The following SATB2 variants were observed in gnomAD, a reference collection of about 807,000 sequenced individuals.
The protein encoded by SATB2 is SATB homeobox 2.
A neutral mutation model predicts 73.4 loss-of-function variants in SATB2; 1 was observed. The observed-to-expected ratio is 0.01, with a 90% CI of 0.00 to 0.06. SATB2 has a LOEUF of 0.06. Among genes scored for constraint, SATB2 ranks in the 10% least tolerant of loss-of-function variants. The probability of loss-of-function intolerance (pLI) is 1.00; values close to 1 mark genes in which losing one functional copy is unlikely to be tolerated. For missense variants in SATB2, 459 were observed against 945.8 expected (o/e 0.49, Z 6.75); for synonymous variants, 397 against 367.0 (o/e 1.08, Z -0.93).
intron 3 of SATB2, among the ~76,000 whole-genome samples, chr2:199,402,113 A>T (rs1164358746): frequency 1.3e-5 from 2 of 152,086 alleles, no homozygotes; most frequent in African/African-American, 4.8e-5. Flanking sequence ...TTGGCTGGGC[A>T]CGGTGGCTCA....
intron 10 of SATB2, among the ~76,000 whole-genome samples, chr2:199,283,467 G>A (rs1423890671): frequency 4.0e-5 from 6 of 151,280 alleles, no homozygotes; most frequent in Non-Finnish European, 7.4e-5. Flanking sequence ...GGACCATTTG[G>A]TGCTGCTGCC....
chr2:199,386,716 GCACACACACACACACACACA>G (rs61568459), intron 3 of SATB2, among the ~76,000 whole-genome samples: 34 of 9,272 alleles, frequency 3.7e-3, no homozygotes, highest in African/African-American at 5.1e-3. Context: ...GCGCGCGCGC[GCACACACACACACACACACA>G]CACACACACA....
intron 6 of SATB2, among the ~76,000 whole-genome samples, chr2:199,366,935 C>T (rs1313355052): frequency 6.6e-6 from 1 of 151,996 alleles, no homozygotes; most frequent in African/African-American, 2.4e-5. Flanking sequence ...CACACACACA[C>T]ATTCTGTAGT....
chr2:199,444,708 C>G (rs919324923), intron 2 of SATB2, among the ~76,000 whole-genome samples: 1 of 152,062 alleles, frequency 6.6e-6, no homozygotes, highest in African/African-American at 2.4e-5. Context: ...TAATAGTATA[C>G]GTTTAAAGTT....
rs1359265079 is a variant in SATB2 at position 199,446,212 on chromosome 2, G to A, written c.169+9657C>T. Among the ~76,000 whole-genome samples the A allele has an allele frequency of 2.0e-5, 3 of 152,134 alleles. No individual in the cohort carries two copies. In the East Asian group the frequency reaches 5.8e-4, roughly 29 times the overall value. The stretch of plus-strand genomic sequence containing the variant: ...CTGATTTATAAGTTTCAACTGTCAT[G>A]CAAAATGGTTTTATTAAAAAATTTT... On this transcript the variant is annotated intron_variant, in intron 2 of 10. Coordinates refer to ENST00000417098, the MANE Select transcript of SATB2 (RefSeq NM_001172509.2).
chr2:199,361,151 G>A (rs1412447945), intron 6 of SATB2, among the ~76,000 whole-genome samples: 1 of 152,108 alleles, frequency 6.6e-6, no homozygotes, highest in East Asian at 1.9e-4. Context: ...TTAGTCGGCT[G>A]GTTTCACATG....
chr2:199,328,188 T>G (rs1215561937), intron 8 of SATB2, among the ~76,000 whole-genome samples: 1 of 152,146 alleles, frequency 6.6e-6, no homozygotes, highest in Non-Finnish European at 1.5e-5. Context: ...AAATATAGTA[T>G]GGGATCATAT....
intron 6 of SATB2, among the ~76,000 whole-genome samples, chr2:199,365,951 A>G (rs1039132450): frequency 2.0e-5 from 3 of 152,140 alleles, no homozygotes; most frequent in Admixed American, 1.3e-4. Flanking sequence ...ACAGAATCAC[A>G]TAGCTTATGT....
chr2:199,276,369 T>C (rs1183935531), intron 10 of SATB2, among the ~76,000 whole-genome samples: 1 of 152,188 alleles, frequency 6.6e-6, no homozygotes, highest in Non-Finnish European at 1.5e-5. Context: ...TTTTGTTTTG[T>C]TTTGTTTTTT....
At chr2:199,384,981 G>T (rs901207279) in intron 3 of SATB2, among the ~76,000 whole-genome samples, 2 of 152,092 alleles carry the variant, frequency 1.3e-5, no homozygotes, top group African/African-American at 4.8e-5. Flanking sequence ...GTCTATAAAA[G>T]ACTTTTGTTT....
intron 2 of SATB2, among the ~76,000 whole-genome samples, chr2:199,444,295 C>T (rs1412461567): frequency 6.6e-6 from 1 of 152,028 alleles, no homozygotes; most frequent in African/African-American, 2.4e-5. Flanking sequence ...CTTTTTACTG[C>T]CTTTGAGAAG....
chr2:199,402,646 T>G (rs973932083), intron 3 of SATB2, among the ~76,000 whole-genome samples: 1 of 152,196 alleles, frequency 6.6e-6, no homozygotes, highest in Non-Finnish European at 1.5e-5. Flanking sequence ...CATGAAAGTT[T>G]CAAAGGTACT....
intron 10 of SATB2, among the ~76,000 whole-genome samples, chr2:199,293,677 C>A (rs1266500900): frequency 1.3e-5 from 2 of 152,044 alleles, no homozygotes; most frequent in Non-Finnish European, 2.9e-5. Context: ...CCATGATATG[C>A]TACAAGGGTG....
intron 3 of SATB2, among the ~76,000 whole-genome samples, chr2:199,383,295 T>C (rs1689831410): frequency 6.6e-6 from 1 of 152,130 alleles, no homozygotes; most frequent in Non-Finnish European, 1.5e-5. Context: ...TTTCTTAACA[T>C]TCTCTCTCAT....
intron 3 of SATB2, among the ~76,000 whole-genome samples, chr2:199,403,704 T>A (rs1025015836): frequency 8.5e-5 from 13 of 152,264 alleles, no homozygotes; most frequent in African/African-American, 1.9e-4. Context: ...TGAGAAACCC[T>A]CCAATTTAGA....
intron 7 of SATB2, among the ~76,000 whole-genome samples, chr2:199,344,481 C>A (rs1006403631): frequency 6.6e-6 from 1 of 152,122 alleles, no homozygotes; most frequent in African/African-American, 2.4e-5. Context: ...TCTCTCAGGA[C>A]CTCCAAACTC....
intron 10 of SATB2, among the ~76,000 whole-genome samples, chr2:199,296,969 T>C (rs1433619659): frequency 3.9e-5 from 6 of 152,248 alleles, no homozygotes; most frequent in African/African-American, 1.4e-4. Context: ...AGAAAAATTT[T>C]AAATATTTGG....
Position 199,457,309 on chromosome 2 carries a change from G to A in SATB2, c.-60+30C>T, listed in dbSNP as rs1426497732. On this transcript the variant is annotated intron_variant, in intron 1 of 10. Coordinates refer to ENST00000417098, the MANE Select transcript of SATB2 (RefSeq NM_001172509.2). This position sits in a 1 kb window ranked among gnomAD's most constrained non-coding sequence, Gnocchi z 4.8. ...TGGGCTTCCCCGAACTCCCGAGCGC[G>A]GCGCGGGAGCCCTCGCCCTGCGTAC... is the stretch of plus-strand genomic sequence containing the variant. The A allele has an allele frequency of 3.9e-5, 6 of 152,140 alleles. No homozygotes were observed. The allele number at this position is 152,140 out of a possible 1,614,324, so 9.4% of individuals were successfully genotyped here.
intron 10 of SATB2, among the ~76,000 whole-genome samples, chr2:199,293,328 C>G (rs564649736): frequency 2.0e-4 from 31 of 151,984 alleles, no homozygotes; most frequent in African/African-American, 6.3e-4. Flanking sequence ...GAAAAATGAC[C>G]AAAGCTCTTA....
Sources: gnomAD v4.1 joint callset for allele counts (sites outside exome capture counted in the v4.1 genomes callset) on GRCh38, gnomAD v4.1.1 for gene constraint, Gnocchi (gnomAD v3.1) non-coding constraint, MANE v1.5 for transcripts, NCBI Gene and HGNC (gene_info 2026-07-23, HGNC 2026-07-21) for gene names.